The following CNTN3 variants were observed in gnomAD, a reference collection of about 807,000 sequenced individuals.
CNTN3 encodes contactin 3.
In CNTN3, 60 loss-of-function variants were observed where a neutral mutation model predicts 119.1. The observed-to-expected ratio is 0.50, with a 90% CI of 0.41 to 0.62. The LOEUF is 0.62. CNTN3 is among the 20% of genes least tolerant of loss of function. The pLI is 0.00. For missense variants in CNTN3, 1,101 were observed against 1,242.4 expected (o/e 0.89, Z 1.71); for synonymous variants, 450 against 438.7 (o/e 1.03, Z -0.32).
chr3:74,293,002 T>C (rs764295156), intron 19 of CNTN3, among the ~76,000 whole-genome samples: 4 of 144,224 alleles, frequency 2.8e-5, no homozygotes, highest in Non-Finnish European at 1.5e-5. Context: ...TGTATTTATG[T>C]GGTGTTTTAC....
At chr3:74,341,391 T>C (rs949748189) in intron 11 of CNTN3, among the ~76,000 whole-genome samples, 4 of 152,068 alleles carry the variant, frequency 2.6e-5, no homozygotes, top group East Asian at 1.9e-4. Context: ...GAGCTGAAAA[T>C]GTAGATAACG....
chr3:74,585,500 T>G (rs1033016807), intron 1 of CNTN3, among the ~76,000 whole-genome samples: 2 of 152,126 alleles, frequency 1.3e-5, no homozygotes, highest in Non-Finnish European at 2.9e-5. Context: ...TTTAGAGAAG[T>G]AAAGTATTAC....
chr3:74,585,946 T>C (rs1374879), intron 1 of CNTN3, among the ~76,000 whole-genome samples: 17,605 of 152,144 alleles, frequency 0.12, 1,195 homozygotes, highest in East Asian at 0.24. Flanking sequence ...CAGTACGAAA[T>C]TCTTTTCTTG....
At chr3:74,414,092 G>A (rs1216564335) in intron 5 of CNTN3, among the ~76,000 whole-genome samples, 2 of 152,204 alleles carry the variant, frequency 1.3e-5, no homozygotes, top group Non-Finnish European at 2.9e-5. Context: ...GCACCCACCA[G>A]CTACTCCACA....
intron 5 of CNTN3, among the ~76,000 whole-genome samples, chr3:74,394,291 C>T (rs573906103): frequency 1.1e-4 from 17 of 152,144 alleles, no homozygotes; most frequent in Admixed American, 4.6e-4. Context: ...TATAGTGAGT[C>T]TCAATAAAGG....
At chr3:74,275,465 A>G (rs1701861160) in intron 20 of CNTN3, among the ~76,000 whole-genome samples, 1 of 152,230 alleles carries the variant, frequency 6.6e-6, no homozygotes. Flanking sequence ...CAGAAACCCT[A>G]CAAGCTAGAA....
intron 4 of CNTN3, among the ~76,000 whole-genome samples, chr3:74,452,686 T>G: frequency 7.6e-6 from 1 of 132,032 alleles, no homozygotes; most frequent in South Asian, 2.4e-4. Flanking sequence ...TTGAGATACG[T>G]CCCATCAATA....
At chr3:74,312,620 A>G (rs1702719133) in intron 13 of CNTN3, among the ~76,000 whole-genome samples, 2 of 152,090 alleles carry the variant, frequency 1.3e-5, no homozygotes, top group South Asian at 4.1e-4. Flanking sequence ...GCACTGGTGA[A>G]GTTCACAGTC....
intron 13 of CNTN3, among the ~76,000 whole-genome samples, chr3:74,314,976 C>G (rs566607327): frequency 1.3e-5 from 2 of 152,128 alleles, no homozygotes; most frequent in African/African-American, 4.8e-5. Flanking sequence ...ACACAAGATA[C>G]GGGTCACAAA....
At chr3:74,297,661 A>T (rs1268744626) in intron 18 of CNTN3, among the ~76,000 whole-genome samples, 3 of 152,198 alleles carry the variant, frequency 2.0e-5, no homozygotes, top group Non-Finnish European at 4.4e-5. Context: ...ACAAAAGGAA[A>T]GGCATTTTCT....
Position 74,274,322 on chromosome 3 carries a change from G to A in CNTN3, c.2705-6944C>T, listed in dbSNP as rs112705745. On this transcript the variant is annotated intron_variant, in intron 20 of 22. Transcript: ENST00000263665. ...CCACAGCTGATGCTCTCTGGAAAGC[G>A]CCACCTCCCAGCAGGAGGCCAACCA... 5.6e-3 allele frequency among the ~76,000 whole-genome samples: 851 copies of A among 152,084 alleles called. 4 individuals are homozygous for A. Among genetic ancestry groups the A allele is most frequent in the African/African-American group, 0.019 (786 of 41,480 alleles).
intron 1 of CNTN3, among the ~76,000 whole-genome samples, chr3:74,605,691 C>A (rs1266697874): frequency 6.6e-6 from 1 of 152,132 alleles, no homozygotes; most frequent in Non-Finnish European, 1.5e-5. Context: ...TCTGTGTGAC[C>A]TGTGTTTCTC....
intron 5 of CNTN3, among the ~76,000 whole-genome samples, chr3:74,400,113 G>T (rs976336096): frequency 6.6e-6 from 1 of 151,926 alleles, no homozygotes; most frequent in Non-Finnish European, 1.5e-5. Flanking sequence ...TTATAACTGG[G>T]TTATAAAATC....
At chr3:74,459,342 T>C (rs888193011) in intron 4 of CNTN3, among the ~76,000 whole-genome samples, 1 of 151,934 alleles carries the variant, frequency 6.6e-6, no homozygotes, top group Non-Finnish European at 1.5e-5. Context: ...CCTCTTCATC[T>C]CCAAGCTAAG....
intron 1 of CNTN3, among the ~76,000 whole-genome samples, chr3:74,562,042 A>C (rs545652420): frequency 6.6e-6 from 1 of 152,310 alleles, no homozygotes; most frequent in South Asian, 2.1e-4. Context: ...TGTTCTCCCA[A>C]GCCTGACTCA....
At chr3:74,306,729 G>A (rs1702570120) in intron 13 of CNTN3, among the ~76,000 whole-genome samples, 1 of 152,152 alleles carries the variant, frequency 6.6e-6, no homozygotes, top group African/African-American at 2.4e-5. Flanking sequence ...AGTGTAAGAA[G>A]TAGGATATGA....
intron 1 of CNTN3, among the ~76,000 whole-genome samples, chr3:74,528,017 A>T (rs1220447305): frequency 6.6e-6 from 1 of 151,886 alleles, no homozygotes; most frequent in Non-Finnish European, 1.5e-5. Flanking sequence ...TTTACACATA[A>T]AAGGAACTTA....
intron 1 of CNTN3, among the ~76,000 whole-genome samples, chr3:74,533,535 T>A (rs1412404357): frequency 6.6e-6 from 1 of 152,010 alleles, no homozygotes; most frequent in Non-Finnish European, 1.5e-5. Flanking sequence ...ACACATGTTA[T>A]GTCATTTACT....
chr3:74,282,613 T>C (rs1373556544), intron 20 of CNTN3, among the ~76,000 whole-genome samples: 3 of 152,164 alleles, frequency 2.0e-5, no homozygotes, highest in African/African-American at 7.2e-5. Flanking sequence ...TAATCAAAAA[T>C]GTTATTTTTG....
Sources: allele counts gnomAD v4.1 joint callset (sites outside exome capture counted in the v4.1 genomes callset), GRCh38; gene constraint gnomAD v4.1.1; transcripts MANE v1.5; gene names NCBI Gene and HGNC (gene_info 2026-07-23, HGNC 2026-07-21).